DOCK5: variants seen among roughly 807,000 people sequenced by gnomAD.
The protein encoded by DOCK5 is dedicator of cytokinesis protein 5.
In DOCK5, 142 loss-of-function variants were observed where a neutral mutation model predicts 251.8. The ratio of observed to expected loss-of-function variants is 0.56; its 90% CI spans 0.49 to 0.65. The LOEUF is 0.65. Ranked by LOEUF, DOCK5 falls within the 30% of genes least tolerant of loss-of-function variation. The probability of loss-of-function intolerance (pLI) is 0.00; values close to 1 mark genes in which losing one functional copy is unlikely to be tolerated. For missense variants in DOCK5, 2,111 were observed against 2,312.3 expected (o/e 0.91, Z 1.79); for synonymous variants, 842 against 835.5 (o/e 1.01, Z -0.13).
rs1003882560 is a variant in DOCK5, at chr8:25,223,511, C to T, written c.44-20163C>T. ...TAAATTATTTGTAGAGATGAGGTCT[C>T]GCTCTGCTGCCCAGCCTGGTCTCCA... is the stretch of plus-strand genomic sequence containing the variant. On this transcript the variant is annotated intron_variant, in intron 1 of 51. Transcript: ENST00000276440. 3.3e-5 allele frequency among the ~76,000 whole-genome samples: 5 copies of T among 152,144 alleles called. No homozygotes were observed. In the South Asian group the frequency reaches 6.2e-4, roughly 19 times the overall value.
At chr8:25,199,815 C>G (rs889768382) in intron 1 of DOCK5, among the ~76,000 whole-genome samples, 1 of 150,704 alleles carries the variant, frequency 6.6e-6, no homozygotes, top group African/African-American at 2.5e-5. Flanking sequence ...GCAATATCTA[C>G]CCACGTGGAA....
intron 18 of DOCK5, among the ~76,000 whole-genome samples, chr8:25,327,771 C>T (rs1805597738): frequency 1.3e-5 from 2 of 152,082 alleles, no homozygotes; most frequent in South Asian, 4.2e-4. Context: ...ACAAAAGGTA[C>T]AAAAGCTCAA....
At chr8:25,390,120 G>A (rs1263497232) in intron 41 of DOCK5, 86 bp from the exon 42 acceptor site, 29 of 1,177,922 alleles carry the variant, frequency 2.5e-5, no homozygotes, top group Non-Finnish European at 3.2e-5. Context: ...TGGCATTTCC[G>A]GCTGTGAAGC....
intron 2 of DOCK5, among the ~76,000 whole-genome samples, chr8:25,250,575 C>T (rs1290218853): frequency 1.3e-5 from 2 of 152,190 alleles, no homozygotes; most frequent in East Asian, 1.9e-4. Flanking sequence ...GTCATTTATT[C>T]ATTCAACATT....
Position 25,415,330 on chromosome 8 carries a change from T to C in DOCK5, c.*4032T>C, listed in dbSNP as rs1249836154. The C allele has an allele frequency of 6.6e-6, 1 of 152,242 alleles. No homozygotes were observed. Among genetic ancestry groups the C allele is most frequent in the African/African-American group, 2.4e-5 (1 of 41,462 alleles). The allele number at this position is 152,242 out of a possible 1,614,324, so 9.4% of individuals were successfully genotyped here. On this transcript the variant is annotated 3_prime_UTR_variant, in exon 52 of 52. Coordinates refer to ENST00000276440, the MANE Select transcript of DOCK5 (RefSeq NM_024940.8). Reference sequence around the variant, plus strand: ...TTCCTTCTCTGTATCATTTGGGAAGTTGATAAATATCACTTCCTTAGATAC... The same window carrying C: ...TTCCTTCTCTGTATCATTTGGGAAGCTGATAAATATCACTTCCTTAGATAC...
At position 25,382,701 on chromosome 8, in the gene DOCK5, A is replaced by T; in HGVS notation, c.4054A>T (p.Ile1352Phe). ...LKKRASFYEN[I>F]IKAMRPQPEY... Reference sequence around the variant, plus strand: ...AAAAAGGGCCTCATTTTATGAGAACATCATTAAGGCAATGAGGCCTCAGCC... The same window carrying T: ...AAAAAGGGCCTCATTTTATGAGAACTTCATTAAGGCAATGAGGCCTCAGCC... The change falls in exon 40 of 52, where the codon ATC becomes TTC. Residue 1352 changes from isoleucine to phenylalanine, a missense_variant. Physicochemically the swap from Ile to Phe is conservative, Grantham distance 21. Transcript: ENST00000276440. 1 of 1,613,060 alleles carries T rather than the reference A, an allele frequency of 6.2e-7. No homozygotes were observed. Among genetic ancestry groups the T allele is most frequent in the Non-Finnish European group, 8.5e-7 (1 of 1,179,542 alleles).
At chr8:25,257,002 T>C (rs1450640746) in intron 2 of DOCK5, among the ~76,000 whole-genome samples, 2 of 152,178 alleles carry the variant, frequency 1.3e-5, no homozygotes, top group African/African-American at 4.8e-5. Context: ...TACTATAGTC[T>C]GGACACCCCT....
chr8:25,344,217 C>T (rs1800316894), intron 25 of DOCK5, among the ~76,000 whole-genome samples: 1 of 152,182 alleles, frequency 6.6e-6, no homozygotes, highest in Admixed American at 6.5e-5. Context: ...AAATACTTTT[C>T]ATTTTGTAAG....
chr8:25,254,804 A>AAAAAAAAAG (rs1563326303), intron 2 of DOCK5, among the ~76,000 whole-genome samples: 1 of 145,618 alleles, frequency 6.9e-6, no homozygotes, highest in African/African-American at 2.6e-5. Context: ...AAAAAAAAAA[A>AAAAAAAAAG]ACATTTGATA....
intron 51 of DOCK5, 139 bp downstream of exon 51, chr8:25,410,341 C>T (rs1586405239): frequency 1.4e-6 from 1 of 692,718 alleles, no homozygotes; most frequent in Non-Finnish European, 2.5e-6. Flanking sequence ...TTCCTGAAAC[C>T]ACAGGAGATA....
At chr8:25,268,945 T>A in intron 3 of DOCK5, 60 bp downstream of exon 3, 1 of 1,416,818 alleles carries the variant, frequency 7.1e-7, no homozygotes, top group Non-Finnish European at 9.6e-7. Context: ...TTTTGTATTG[T>A]GCTATGTGAC....
intron 1 of DOCK5, among the ~76,000 whole-genome samples, chr8:25,217,354 T>C (rs1392637953): frequency 1.3e-5 from 2 of 152,036 alleles, no homozygotes; most frequent in African/African-American, 4.8e-5. Flanking sequence ...ATTATACTGA[T>C]GATCTCTGGA....
intron 13 of DOCK5, among the ~76,000 whole-genome samples, chr8:25,312,793 G>T (rs1351760008): frequency 6.6e-6 from 1 of 151,640 alleles, no homozygotes; most frequent in Non-Finnish European, 1.5e-5. Flanking sequence ...AGCTGGGAGT[G>T]GTGGCGCATG....
chr8:25,301,634 G>A (rs1264544459), intron 9 of DOCK5, among the ~76,000 whole-genome samples: 2 of 151,880 alleles, frequency 1.3e-5, no homozygotes, highest in Non-Finnish European at 2.9e-5. Flanking sequence ...GGAGGCCAAG[G>A]AGGCTGGATC....
intron 21 of DOCK5, among the ~76,000 whole-genome samples, chr8:25,334,597 G>T (rs1167161604): frequency 6.6e-6 from 1 of 151,914 alleles, no homozygotes. Context: ...TGTAGTCCTA[G>T]CTACTCGAGA....
At chr8:25,348,947 G>A (rs190429789) in intron 26 of DOCK5, among the ~76,000 whole-genome samples, 10 of 152,262 alleles carry the variant, frequency 6.6e-5, no homozygotes, top group East Asian at 1.9e-4. Context: ...AAGGCACAGC[G>A]TGTAACTTGC....
chr8:25,199,071 T>C (rs1206271264), intron 1 of DOCK5, among the ~76,000 whole-genome samples: 1 of 152,176 alleles, frequency 6.6e-6, no homozygotes, highest in East Asian at 1.9e-4. Context: ...TCTCACGTGG[T>C]TTCAGTCCTT....
At chr8:25,366,828 TA>T (rs1470320771) in intron 30 of DOCK5, 41 bp from the exon 31 acceptor site, 7 of 1,519,918 alleles carry the variant, frequency 4.6e-6, no homozygotes, top group Non-Finnish European at 6.4e-6. Flanking sequence ...TTATTAATGT[TA>T]TTTTTCATTT....
intron 26 of DOCK5, among the ~76,000 whole-genome samples, chr8:25,348,860 G>A (rs549762060): frequency 6.6e-6 from 1 of 151,180 alleles, no homozygotes; most frequent in South Asian, 2.1e-4. Flanking sequence ...AAAAATTTAT[G>A]TACCACTCAC....
Sources: allele counts gnomAD v4.1 joint callset (sites outside exome capture counted in the v4.1 genomes callset), GRCh38; gene constraint gnomAD v4.1.1; transcripts MANE v1.5; gene names NCBI Gene and HGNC (gene_info 2026-07-23, HGNC 2026-07-21).